ENTREP2: variants seen among roughly 807,000 people sequenced by gnomAD.
The protein encoded by ENTREP2 is protein ENTREP2.
At chr15:29,345,374 G>T in the ENTREP2 span, among the ~76,000 whole-genome samples, 1 of 152,060 alleles carries the variant, frequency 6.6e-6, no homozygotes, top group Non-Finnish European at 1.5e-5. Flanking sequence ...AGCAGAGATG[G>T]GGCTGGGACA....
At chr15:29,442,958 C>T in the ENTREP2 span, among the ~76,000 whole-genome samples, 2 of 152,218 alleles carry the variant, frequency 1.3e-5, no homozygotes, top group Non-Finnish European at 2.9e-5. Flanking sequence ...TCAGTCCTCA[C>T]TGGACAGAAA....
At chr15:29,424,231 C>T in the ENTREP2 span, among the ~76,000 whole-genome samples, 5 of 152,204 alleles carry the variant, frequency 3.3e-5, no homozygotes, top group African/African-American at 1.2e-4. Context: ...AAAACCTCTG[C>T]ACTACCTAAG....
chr15:29,635,755 G>A, the ENTREP2 span, among the ~76,000 whole-genome samples: 1 of 152,174 alleles, frequency 6.6e-6, no homozygotes, highest in Admixed American at 6.5e-5. Context: ...AAACAGAGGT[G>A]TCTGCTCCAG....
the ENTREP2 span, among the ~76,000 whole-genome samples, chr15:29,362,980 C>T: frequency 6.6e-6 from 1 of 152,212 alleles, no homozygotes; most frequent in East Asian, 1.9e-4. Flanking sequence ...TTAAAAGAAG[C>T]GTATTAGTCC....
At chr15:29,235,108 C>A in the ENTREP2 span, 4 of 1,051,098 alleles carry the variant, frequency 3.8e-6, no homozygotes, top group South Asian at 1.3e-5. Context: ...TGTCCCACAA[C>A]AGATGTGGGC....
the ENTREP2 span, among the ~76,000 whole-genome samples, chr15:29,251,477 C>T: frequency 8.5e-3 from 1,293 of 152,320 alleles, 19 homozygotes; most frequent in African/African-American, 0.03. Flanking sequence ...AGGACGGCTT[C>T]GAATGAGGCC....
At chr15:29,262,767 T>C in the ENTREP2 span, among the ~76,000 whole-genome samples, 4 of 152,246 alleles carry the variant, frequency 2.6e-5, no homozygotes, top group Admixed American at 6.5e-5. Flanking sequence ...TTGAAGACCA[T>C]TGGTCAAAAG....
the ENTREP2 span, among the ~76,000 whole-genome samples, chr15:29,329,186 C>T: frequency 7.6e-4 from 116 of 151,666 alleles, 1 homozygote; most frequent in Non-Finnish European, 1.3e-3. Flanking sequence ...CATGGTGAAA[C>T]CCCGTCTCTA....
chr15:29,355,314 A>C, the ENTREP2 span, among the ~76,000 whole-genome samples: 1 of 152,270 alleles, frequency 6.6e-6, no homozygotes, highest in East Asian at 1.9e-4. Flanking sequence ...ACTGAGTATG[A>C]AGTGCTCCAG....
the ENTREP2 span, among the ~76,000 whole-genome samples, chr15:29,473,942 T>C: frequency 6.6e-6 from 1 of 152,144 alleles, no homozygotes; most frequent in Admixed American, 6.5e-5. Flanking sequence ...GCCACGGCAG[T>C]CCGGACTCCC....
chr15:29,441,484 C>G, the ENTREP2 span, among the ~76,000 whole-genome samples: 1 of 152,192 alleles, frequency 6.6e-6, no homozygotes, highest in African/African-American at 2.4e-5. Context: ...CACTGCTAAC[C>G]AACTTCTACA....
the ENTREP2 span, among the ~76,000 whole-genome samples, chr15:29,557,513 T>C: frequency 6.6e-6 from 1 of 152,144 alleles, no homozygotes; most frequent in Non-Finnish European, 1.5e-5. Context: ...TACATAATTC[T>C]GAGAGCCCAT....
chr15:29,554,308 C>A, the ENTREP2 span, among the ~76,000 whole-genome samples: 1 of 144,436 alleles, frequency 6.9e-6, no homozygotes, highest in Middle Eastern at 3.6e-3. Context: ...GAGCGAGACT[C>A]CGTCTCAAAA....
chr15:29,258,342 A>G, the ENTREP2 span, among the ~76,000 whole-genome samples: 4 of 152,198 alleles, frequency 2.6e-5, no homozygotes, highest in Admixed American at 2.0e-4. Context: ...CAGCTTTGAA[A>G]TTGAGGTCAA....
the ENTREP2 span, among the ~76,000 whole-genome samples, chr15:29,204,795 G>A: frequency 6.6e-6 from 1 of 152,026 alleles, no homozygotes; most frequent in East Asian, 1.9e-4. Context: ...ACAAAAACTA[G>A]ACCCTAATTT....
At chr15:29,142,979 CATATT>C in the ENTREP2 span, among the ~76,000 whole-genome samples, 1 of 152,178 alleles carries the variant, frequency 6.6e-6, no homozygotes, top group African/African-American at 2.4e-5. Flanking sequence ...GATTTCCACA[CATATT>C]AGAGTAGCTC....
chr15:29,149,627 C>A, the ENTREP2 span, among the ~76,000 whole-genome samples: 3 of 152,204 alleles, frequency 2.0e-5, no homozygotes, highest in Admixed American at 2.0e-4. Flanking sequence ...GCAGGGCACA[C>A]GCTTCATCTT....
the ENTREP2 span, among the ~76,000 whole-genome samples, chr15:29,516,027 A>G: frequency 4.5e-4 from 68 of 152,270 alleles, no homozygotes; most frequent in African/African-American, 1.5e-3. Flanking sequence ...TGGCTCCTAC[A>G]ATGAACAGCA....
At chr15:29,590,442 C>T in the ENTREP2 span, among the ~76,000 whole-genome samples, 54 of 151,872 alleles carry the variant, frequency 3.6e-4, 2 homozygotes, top group East Asian at 9.1e-3. Flanking sequence ...TAGCACTTTG[C>T]GAGGCCGAGG....
Sources: allele counts gnomAD v4.1 joint callset (sites outside exome capture counted in the v4.1 genomes callset), GRCh38; gene constraint gnomAD v4.1.1; transcripts MANE v1.5; gene names NCBI Gene and HGNC (gene_info 2026-07-23, HGNC 2026-07-21).